The following SLC12A2 variants were observed in gnomAD, a reference collection of about 807,000 sequenced individuals.
SLC12A2 encodes Na-K-2Cl cotransporter 1.
Under a neutral mutation model 136.3 loss-of-function variants are expected in SLC12A2, and 67 were observed. The observed-to-expected ratio is 0.49, with a 90% CI of 0.40 to 0.60. SLC12A2 has a LOEUF of 0.60. Among genes scored for constraint, SLC12A2 ranks in the 20% least tolerant of loss-of-function variants. The pLI is 0.00. For synonymous variants in SLC12A2, 619 were observed against 562.9 expected, an observed-to-expected ratio of 1.10 and a Z score of -1.41; for missense variants, 1,322 against 1,534.7, an observed-to-expected ratio of 0.86 and a Z score of 2.32.
In SLC12A2 at chr5:128,084,760, C is replaced by G. The variant is rs543515505; in HGVS notation, c.756+50C>G. 5 of 1,490,652 alleles carry G rather than the reference C, an allele frequency of 3.4e-6. No individual in the cohort carries two copies. The South Asian group carries it at 4.0e-5, about 12-fold the overall frequency. The allele number at this position is 1,490,652 out of a possible 1,614,324, so 92.3% of individuals were successfully genotyped here. A position where few individuals can be genotyped will look rare whatever the true frequency, so the allele number is the denominator to read the frequency against. ...TTCCCCAGCCCCTGGTGCATGCCGA[C>G]CGCGGGATGTGGCTGCAGACTCTTC... is the stretch of plus-strand genomic sequence containing the variant. On this transcript the variant is annotated intron_variant, in intron 1 of 26. Transcript: ENST00000262461. The surrounding 1 kb of genome is among the most constrained non-coding windows in gnomAD (Gnocchi z 5.6).
intron 1 of SLC12A2, chr5:128,110,394 TC>T: frequency 9.8e-7 from 1 of 1,019,004 alleles, no homozygotes; most frequent in Non-Finnish European, 1.6e-6. Context: ...AAGCAAAAAC[TC>T]CACAGCTGTC....
chr5:128,165,158 T>TA (rs1763161993), intron 17 of SLC12A2, among the ~76,000 whole-genome samples: 1 of 152,094 alleles, frequency 6.6e-6, no homozygotes, highest in Non-Finnish European at 1.5e-5. Context: ...TTCACTATTT[T>TA]AAAAAAGAGA....
chr5:128,149,943 T>A, intron 12 of SLC12A2, 54 bp from the exon 13 acceptor site: 1 of 1,195,238 alleles, frequency 8.4e-7, no homozygotes. Flanking sequence ...TTCATAATTT[T>A]AAAAAGTTAA....
intron 1 of SLC12A2, among the ~76,000 whole-genome samples, chr5:128,089,543 G>C (rs1760231720): frequency 6.6e-6 from 1 of 152,158 alleles, no homozygotes; most frequent in Non-Finnish European, 1.5e-5. Flanking sequence ...TGTTGAGGGG[G>C]ACCCCTTGGG....
intron 4 of SLC12A2, among the ~76,000 whole-genome samples, chr5:128,121,279 T>C (rs1761566356): frequency 6.6e-6 from 1 of 152,166 alleles, no homozygotes; most frequent in Non-Finnish European, 1.5e-5. Flanking sequence ...AGTTTCAGGC[T>C]TGATTCAATT....
At chr5:128,102,484 A>G (rs1237086620) in intron 1 of SLC12A2, among the ~76,000 whole-genome samples, 13 of 151,486 alleles carry the variant, frequency 8.6e-5, no homozygotes, top group Non-Finnish European at 1.6e-4. Context: ...TGCTTTAAAA[A>G]TGTATGTAAA....
chr5:128,162,068 A>G (rs1046948381), intron 17 of SLC12A2, among the ~76,000 whole-genome samples: 1 of 152,110 alleles, frequency 6.6e-6, no homozygotes, highest in Non-Finnish European at 1.5e-5. Context: ...GTAATTGTGG[A>G]GCTACTTTGT....
chr5:128,186,777 T>C lies in SLC12A2; in HGVS notation c.*146T>C. 2.4e-6 allele frequency: 2 copies of C among 828,176 alleles called. No individual in the cohort carries two copies. The highest frequency in any genetic ancestry group is 3.7e-6 in the Non-Finnish European group (2 of 533,410). The allele number at this position is 828,176 out of a possible 1,614,324, so 51.3% of individuals were successfully genotyped here. A position where few individuals can be genotyped will look rare whatever the true frequency, so the allele number is the denominator to read the frequency against. On this transcript the variant is annotated 3_prime_UTR_variant, in exon 27 of 27. Coordinates refer to ENST00000262461, the MANE Select transcript of SLC12A2 (RefSeq NM_001046.3). ...TTAATTTGAAAGCACACAGGAAAGT[T>C]GCTCCATTGATAACGTGTATGGAGA...
In SLC12A2 at chr5:128,180,995, G is replaced by C. The variant is rs1197640923; in HGVS notation, c.3212+1G>C. The stretch of plus-strand genomic sequence containing the variant: ...ACAGAATAGACCATGACCGGAGAGC[G>C]TAAGTTTATTTCACATTGAAGGGCA... On this transcript the variant is annotated splice_donor_variant, in intron 23 of 26. Transcript: ENST00000262461. LOFTEE classifies it high-confidence loss of function. 2.6e-6 allele frequency: 4 copies of C among 1,542,988 alleles called. No individual in the cohort carries two copies. The highest frequency in any genetic ancestry group is 1.4e-5 in the African/African-American group (1 of 73,430).
intron 16 of SLC12A2, among the ~76,000 whole-genome samples, chr5:128,158,950 ATAATT>A (rs1762949627): frequency 6.7e-6 from 1 of 149,354 alleles, no homozygotes; most frequent in Non-Finnish European, 1.5e-5. Flanking sequence ...TATGCTGTAT[ATAATT>A]TGTAATTTAT....
intron 4 of SLC12A2, among the ~76,000 whole-genome samples, chr5:128,128,879 T>G (rs948005679): frequency 1.3e-5 from 2 of 151,896 alleles, no homozygotes; most frequent in South Asian, 4.1e-4. Flanking sequence ...TTGATTTTCA[T>G]AAGAAGTAAT....
chr5:128,103,226 G>A (rs1760808714), intron 1 of SLC12A2, among the ~76,000 whole-genome samples: 1 of 152,116 alleles, frequency 6.6e-6, no homozygotes, highest in African/African-American at 2.4e-5. Flanking sequence ...GAGAGTTTTT[G>A]TGTTCTGTAC....
rs141826803 is a variant in SLC12A2 at position 128,120,868 on chromosome 5, TAAATA to T, written c.1048+6195_1048+6199del. On this transcript the variant is annotated intron_variant, in intron 4 of 26. Transcript: ENST00000262461. ...AAAACTTAAAGTATAATAATAATAATAAATAAAATAAATAAAAATTAATGTTAACT... is the reference window on the plus strand; with the variant it reads ...AAAACTTAAAGTATAATAATAATAATAAATAAATAAAAATTAATGTTAACT... 5.7e-3 allele frequency among the ~76,000 whole-genome samples: 854 copies of T among 151,050 alleles called. 3 individuals carry two copies. The highest frequency in any genetic ancestry group is 0.024 in the Middle Eastern group (7 of 294).
At chr5:128,149,270 G>T (rs1762622258) in intron 12 of SLC12A2, among the ~76,000 whole-genome samples, 1 of 151,740 alleles carries the variant, frequency 6.6e-6, no homozygotes, top group Non-Finnish European at 1.5e-5. Context: ...AAAGAATTTT[G>T]TCTAACCCCT....
At chr5:128,093,324 T>G (rs1012864340) in intron 1 of SLC12A2, among the ~76,000 whole-genome samples, 2 of 152,074 alleles carry the variant, frequency 1.3e-5, no homozygotes, top group Admixed American at 6.6e-5. Context: ...TTTGGACTTT[T>G]CTCCTTCCTT....
Position 128,084,174 on chromosome 5 carries a change from C to T in SLC12A2, c.220C>T (p.Pro74Ser). ...GGACGGGCTGGGCAGACCCTTGGGGCCCACCCCGAGCCAGAGCCGTTTCCA... is the reference window on the plus strand; with the variant it reads ...GGACGGGCTGGGCAGACCCTTGGGGTCCACCCCGAGCCAGAGCCGTTTCCA... ...AGDGLGRPLG[P>S]TPSQSRFQVD... Residue 74 changes from proline (P) to serine (S), a missense_variant, in exon 1 of 27, where the codon CCC (proline) becomes TCC (serine). Around this residue, in one of 8 missense-constraint regions of SLC12A2, gnomAD observed 358 missense variants for 299.7 expected, o/e 1.19. Coordinates refer to ENST00000262461, the MANE Select transcript of SLC12A2 (RefSeq NM_001046.3). This position sits in a 1 kb window ranked among gnomAD's most constrained non-coding sequence, Gnocchi z 5.6. 2.3e-6 allele frequency: 3 copies of T among 1,296,020 alleles called. No homozygotes were observed. The highest frequency in any genetic ancestry group is 2.5e-5 in the South Asian group (1 of 40,540). 80.3% of individuals were successfully genotyped at this position (1,296,020 alleles called of 1,614,324 possible).
At chr5:128,122,096 A>G (rs1046155801) in intron 4 of SLC12A2, among the ~76,000 whole-genome samples, 1 of 152,248 alleles carries the variant, frequency 6.6e-6, no homozygotes, top group Non-Finnish European at 1.5e-5. Context: ...GAGCAATACA[A>G]AGGAAAGTTT....
chr5:128,130,228 A>G (rs934865186), intron 4 of SLC12A2, among the ~76,000 whole-genome samples: 3 of 152,096 alleles, frequency 2.0e-5, no homozygotes, highest in Non-Finnish European at 4.4e-5. Flanking sequence ...CCTGGCCAAC[A>G]TGGTGAAACT....
chr5:128,146,938 A>G (rs1762547117), intron 10 of SLC12A2, among the ~76,000 whole-genome samples: 4 of 151,740 alleles, frequency 2.6e-5, no homozygotes, highest in South Asian at 2.1e-4. Context: ...AGGTTAAGCA[A>G]TACAATGATG....
Sources: allele counts gnomAD v4.1 joint callset (sites outside exome capture counted in the v4.1 genomes callset), GRCh38; gene constraint gnomAD v4.1.1; regional missense constraint gnomAD v4.1.1; non-coding constraint Gnocchi (gnomAD v3.1); transcripts MANE v1.5; gene names NCBI Gene and HGNC (gene_info 2026-07-23, HGNC 2026-07-21).